Variants in SH3RF3 observed in about 807,000 individuals in gnomAD.
The protein encoded by SH3RF3 is E3 ubiquitin-protein ligase SH3RF3.
A neutral mutation model predicts 66.3 loss-of-function variants in SH3RF3; 29 were observed. That is an observed-to-expected ratio of 0.44 (90% CI 0.33 to 0.60). SH3RF3 has a LOEUF of 0.60. Among genes scored for constraint, SH3RF3 ranks in the 20% least tolerant of loss-of-function variants. The pLI, the probability that SH3RF3 is intolerant of heterozygous loss-of-function variation, is 0.04. For synonymous variants in SH3RF3, 583 were observed against 532.0 expected, an observed-to-expected ratio of 1.10 and a Z score of -1.32; for missense variants, 1,194 against 1,190.9, an observed-to-expected ratio of 1.00 and a Z score of -0.04.
chr2:109,327,166 T>C (rs1682178943), intron 1 of SH3RF3, among the ~76,000 whole-genome samples: 1 of 152,206 alleles, frequency 6.6e-6, no homozygotes, highest in South Asian at 2.1e-4. Flanking sequence ...CTTTTAAAAG[T>C]TTTATAGTTT....
At chr2:109,147,285 G>A (rs372946046) in intron 1 of SH3RF3, among the ~76,000 whole-genome samples, 2 of 152,218 alleles carry the variant, frequency 1.3e-5, no homozygotes, top group African/African-American at 4.8e-5. Flanking sequence ...TGGGGAGGTG[G>A]TGCTGCTCTC....
chr2:109,326,907 C>A (rs538451983), intron 1 of SH3RF3, among the ~76,000 whole-genome samples: 1 of 152,224 alleles, frequency 6.6e-6, no homozygotes, highest in African/African-American at 2.4e-5. Flanking sequence ...CACACCTGAG[C>A]ACGCTGGCTC....
intron 1 of SH3RF3, among the ~76,000 whole-genome samples, chr2:109,297,322 ACC>A (rs1681339324): frequency 6.6e-6 from 1 of 152,030 alleles, no homozygotes; most frequent in African/African-American, 2.4e-5. Context: ...CTTCGATGAG[ACC>A]CTTTGCTCAG....
At chr2:109,216,092 G>A (rs1030605710) in intron 1 of SH3RF3, among the ~76,000 whole-genome samples, 2 of 152,138 alleles carry the variant, frequency 1.3e-5, no homozygotes, top group Non-Finnish European at 2.9e-5. Context: ...GAGCCTGTCA[G>A]CTGCTGGAGG....
chr2:109,249,554 TCC>T (rs1302030539), intron 1 of SH3RF3, among the ~76,000 whole-genome samples: 1 of 136,558 alleles, frequency 7.3e-6, no homozygotes, highest in Non-Finnish European at 1.5e-5. Context: ...CTTCCTTCCT[TCC>T]TTCCTTCCTT....
At chr2:109,242,917 G>A (rs919877516) in intron 1 of SH3RF3, among the ~76,000 whole-genome samples, 4 of 152,206 alleles carry the variant, frequency 2.6e-5, no homozygotes, top group Non-Finnish European at 4.4e-5. Context: ...ACAGCATTAG[G>A]AAATCAGGAA....
chr2:109,265,333 A>G (rs1177025167), intron 1 of SH3RF3, among the ~76,000 whole-genome samples: 1 of 152,114 alleles, frequency 6.6e-6, no homozygotes, highest in East Asian at 1.9e-4. Context: ...AAACAAGCAA[A>G]ATACTGCAAA....
chr2:109,136,646 G>A (rs1676821149), intron 1 of SH3RF3, among the ~76,000 whole-genome samples: 1 of 152,226 alleles, frequency 6.6e-6, no homozygotes, highest in Admixed American at 6.5e-5. Flanking sequence ...GGCCCAAGAA[G>A]AGTCACTGCG....
At chr2:109,205,860 C>T (rs1189611205) in intron 1 of SH3RF3, among the ~76,000 whole-genome samples, 1 of 152,194 alleles carries the variant, frequency 6.6e-6, no homozygotes, top group Non-Finnish European at 1.5e-5. Context: ...GGAGTTTTCT[C>T]CTTTCCGCTT....
Position 109,390,712 on chromosome 2 carries a change from C to A in SH3RF3, c.946-7878C>A, listed in dbSNP as rs1675963942. On this transcript the variant is annotated intron_variant, in intron 3 of 9. Transcript: ENST00000309415. Reference sequence around the variant, plus strand: ...GGGATGAGGAAGGAGGCATTGACAGCCGCAGGGCAGCTGGAGGTTCTTTGG... The same window carrying A: ...GGGATGAGGAAGGAGGCATTGACAGACGCAGGGCAGCTGGAGGTTCTTTGG... 5.3e-5 allele frequency among the ~76,000 whole-genome samples: 8 copies of A among 152,296 alleles called. No individual in the cohort carries two copies. The South Asian group carries it at 1.7e-3, about 32-fold the overall frequency.
chr2:109,149,380 G>A (rs1042101643), intron 1 of SH3RF3, among the ~76,000 whole-genome samples: 1 of 152,130 alleles, frequency 6.6e-6, no homozygotes, highest in African/African-American at 2.4e-5. Context: ...AGAGACTTTC[G>A]TTATTAATAA....
chr2:109,159,277 C>A (rs1249011439), intron 1 of SH3RF3, among the ~76,000 whole-genome samples: 1 of 152,224 alleles, frequency 6.6e-6, no homozygotes, highest in East Asian at 1.9e-4. Context: ...CCCGGCGCAG[C>A]TGCCTCTCTC....
intron 1 of SH3RF3, among the ~76,000 whole-genome samples, chr2:109,289,430 G>T (rs898492603): frequency 4.6e-5 from 7 of 152,116 alleles, no homozygotes; most frequent in African/African-American, 1.7e-4. Flanking sequence ...CATGAGCTTG[G>T]ATTTCTTGAT....
intron 4 of SH3RF3, among the ~76,000 whole-genome samples, chr2:109,409,675 G>A (rs1266905683): frequency 1.3e-5 from 2 of 152,080 alleles, no homozygotes; most frequent in African/African-American, 2.4e-5. Context: ...CCTCACTGGG[G>A]CTCCCCGGCC....
chr2:109,461,749 T>A (rs1678212577), intron 8 of SH3RF3, among the ~76,000 whole-genome samples: 1 of 152,210 alleles, frequency 6.6e-6, no homozygotes, highest in Non-Finnish European at 1.5e-5. Flanking sequence ...CACCACTGGA[T>A]CTCCTGGGTC....
intron 5 of SH3RF3, among the ~76,000 whole-genome samples, chr2:109,423,781 A>G (rs1676955018): frequency 6.6e-6 from 1 of 152,166 alleles, no homozygotes; most frequent in Admixed American, 6.5e-5. Context: ...AGGATATTAC[A>G]GACAGATGCG....
At chr2:109,459,693 G>A (rs1015072003) in intron 8 of SH3RF3, among the ~76,000 whole-genome samples, 4 of 152,116 alleles carry the variant, frequency 2.6e-5, no homozygotes, top group East Asian at 1.9e-4. Flanking sequence ...ATCCCAAAGC[G>A]GCTGAGTGGC....
chr2:109,134,799 G>A (rs943228882), intron 1 of SH3RF3, among the ~76,000 whole-genome samples: 3 of 152,150 alleles, frequency 2.0e-5, no homozygotes, highest in African/African-American at 7.2e-5. Context: ...CGTGCCTCAC[G>A]GCTGCAGATG....
At chr2:109,212,988 C>G (rs1469274769) in intron 1 of SH3RF3, among the ~76,000 whole-genome samples, 1 of 152,170 alleles carries the variant, frequency 6.6e-6, no homozygotes, top group East Asian at 1.9e-4. Context: ...CAGGGAAGCC[C>G]TGTGCTGAGC....
Sources: gnomAD v4.1 joint callset for allele counts (sites outside exome capture counted in the v4.1 genomes callset) on GRCh38, gnomAD v4.1.1 for gene constraint, MANE v1.5 for transcripts, NCBI Gene and HGNC (gene_info 2026-07-23, HGNC 2026-07-21) for gene names.